The following ZNRF1 variants were observed in gnomAD, a reference collection of about 807,000 sequenced individuals.
ZNRF1 encodes the protein zinc and ring finger 1, also known as E3 ubiquitin-protein ligase ZNRF1.
A neutral mutation model predicts 18.4 loss-of-function variants in ZNRF1; 3 were observed. The observed-to-expected ratio is 0.16, with a 90% CI of 0.07 to 0.42. ZNRF1 has a LOEUF of 0.42. Ranked by LOEUF, ZNRF1 falls within the 10% of genes least tolerant of loss-of-function variation. The pLI is 0.99. For missense variants in ZNRF1, 310 were observed against 329.8 expected (o/e 0.94, Z 0.47); for synonymous variants, 157 against 144.2 (o/e 1.09, Z -0.64).
chr16:75,097,529 CT>C (rs1362040459), intron 2 of ZNRF1, among the ~76,000 whole-genome samples: 5 of 152,154 alleles, frequency 3.3e-5, no homozygotes, highest in Non-Finnish European at 5.9e-5. Flanking sequence ...CACAAGCTGT[CT>C]TTTAAAGGCA....
At chr16:75,064,390 T>G (rs994527579) in intron 1 of ZNRF1, among the ~76,000 whole-genome samples, 2 of 152,024 alleles carry the variant, frequency 1.3e-5, no homozygotes, top group Middle Eastern at 3.4e-3. Flanking sequence ...ACACTATCTC[T>G]ACTAAAAATA....
intron 1 of ZNRF1, among the ~76,000 whole-genome samples, chr16:75,004,116 G>T (rs1227247426): frequency 1.3e-5 from 2 of 152,114 alleles, no homozygotes; most frequent in African/African-American, 4.8e-5. Context: ...ATGAGCCACC[G>T]TGCCAGGCCT....
intron 1 of ZNRF1, among the ~76,000 whole-genome samples, chr16:75,060,969 C>T (rs187207147): frequency 4.6e-5 from 7 of 152,086 alleles, no homozygotes; most frequent in South Asian, 4.2e-4. Flanking sequence ...GGGACACTAA[C>T]GAATTCAGAT....
chr16:75,085,113 G>A (rs905760811), intron 1 of ZNRF1, among the ~76,000 whole-genome samples: 2 of 151,956 alleles, frequency 1.3e-5, no homozygotes, highest in South Asian at 2.1e-4. Context: ...AAACACATAC[G>A]CGTGTGTAAC....
chr16:75,099,427 G>A (rs1020094972), intron 2 of ZNRF1, among the ~76,000 whole-genome samples: 2 of 151,964 alleles, frequency 1.3e-5, no homozygotes, highest in African/African-American at 4.8e-5. Context: ...CCTCCCTCCT[G>A]TTTCAGCTCC....
rs745826713 is a variant in ZNRF1 at position 75,081,997 on chromosome 16, T to TG, written c.425-11571dup. On this transcript the variant is annotated intron_variant, in intron 1 of 4. Coordinates refer to ENST00000335325, the MANE Select transcript of ZNRF1 (RefSeq NM_032268.5). ...ATATTCATCTTTCTTAGACAGTAGT[T>TG]GGGGACTTGATTCACACTTCACACT... Among the ~76,000 whole-genome samples, 15 of 152,320 alleles carry TG rather than the reference T, an allele frequency of 9.8e-5. 2 individuals carry two copies. Among genetic ancestry groups the TG allele is most frequent in the East Asian group, 7.7e-4 (4 of 5,184 alleles).
rs200769606 is a variant in ZNRF1 at position 75,104,736 on chromosome 16, G to A, written c.521-48G>A. The A allele has an allele frequency of 1.4e-5, 21 of 1,527,206 alleles. No individual in the cohort carries two copies. In the East Asian group the frequency reaches 4.7e-4, roughly 34 times the overall value. 94.6% of individuals were successfully genotyped at this position (1,527,206 alleles called of 1,614,324 possible). A position where few individuals can be genotyped will look rare whatever the true frequency, so the allele number is the denominator to read the frequency against. On this transcript the variant is annotated intron_variant, in intron 2 of 4. Transcript: ENST00000335325. ...GGCCCTTGCTTGCCCCATGCCACCT[G>A]TCCACTGGTGACTAACCCTCCTGCA...
At chr16:75,048,890 A>C (rs1297125299) in intron 1 of ZNRF1, among the ~76,000 whole-genome samples, 2 of 152,194 alleles carry the variant, frequency 1.3e-5, no homozygotes, top group African/African-American at 4.8e-5. Flanking sequence ...TCATTGAATT[A>C]AAAAAATTTT....
At chr16:75,023,495 C>G (rs1216777628) in intron 1 of ZNRF1, among the ~76,000 whole-genome samples, 1 of 152,138 alleles carries the variant, frequency 6.6e-6, no homozygotes, top group African/African-American at 2.4e-5. Context: ...ACCAGCCTGG[C>G]CAACATGGCC....
intron 1 of ZNRF1, among the ~76,000 whole-genome samples, chr16:75,015,133 T>G (rs1411803036): frequency 6.6e-6 from 1 of 152,202 alleles, no homozygotes; most frequent in Non-Finnish European, 1.5e-5. Flanking sequence ...TTCTTATGGT[T>G]ACTTAATTTT....
At chr16:75,060,601 C>G (rs2035730740) in intron 1 of ZNRF1, among the ~76,000 whole-genome samples, 1 of 151,470 alleles carries the variant, frequency 6.6e-6, no homozygotes, top group Non-Finnish European at 1.5e-5. Flanking sequence ...GCCTCCCTCC[C>G]AAGTAGCTGG....
intron 1 of ZNRF1, among the ~76,000 whole-genome samples, chr16:75,033,262 CAAAA>C (rs56265355): frequency 2.5e-5 from 2 of 81,508 alleles, no homozygotes; most frequent in African/African-American, 4.0e-5. Flanking sequence ...TTTATTTCTA[CAAAA>C]AAAAAAAAAA....
intron 1 of ZNRF1, among the ~76,000 whole-genome samples, chr16:75,089,042 C>T (rs755176035): frequency 2.6e-5 from 4 of 152,062 alleles, no homozygotes; most frequent in South Asian, 2.1e-4. Context: ...GCCATGGTCT[C>T]GAGGATGGAA....
At chr16:75,032,291 T>A (rs897358844) in intron 1 of ZNRF1, among the ~76,000 whole-genome samples, 2 of 126,006 alleles carry the variant, frequency 1.6e-5, no homozygotes, top group African/African-American at 5.0e-5. Context: ...TGTATTTTTG[T>A]AGAGATGGGG....
chr16:75,060,999 TA>T (rs1369897318), intron 1 of ZNRF1, among the ~76,000 whole-genome samples: 2 of 151,918 alleles, frequency 1.3e-5, no homozygotes, highest in Admixed American at 6.6e-5. Context: ...AAGCTCTGAT[TA>T]AAAAAAATAG....
At chr16:75,076,959 A>G (rs912480261) in intron 1 of ZNRF1, among the ~76,000 whole-genome samples, 2 of 151,830 alleles carry the variant, frequency 1.3e-5, no homozygotes, top group African/African-American at 2.4e-5. Context: ...GGGCTTCTCA[A>G]CCTCCAGAGC....
chr16:75,107,606 T>C, intron 4 of ZNRF1, 127 bp from the exon 5 acceptor site: 1 of 422,468 alleles, frequency 2.4e-6, no homozygotes, highest in Non-Finnish European at 4.8e-6. Flanking sequence ...CCCCGTGTGC[T>C]GTTTGGCTTC....
chr16:75,099,157 A>T (rs950760932), intron 2 of ZNRF1, among the ~76,000 whole-genome samples: 1 of 152,182 alleles, frequency 6.6e-6, no homozygotes, highest in Non-Finnish European at 1.5e-5. Context: ...GGTGGCAGAA[A>T]CTTGGGCTTG....
chr16:75,052,287 G>A (rs1216538997), intron 1 of ZNRF1, among the ~76,000 whole-genome samples: 1 of 151,962 alleles, frequency 6.6e-6, no homozygotes, highest in African/African-American at 2.4e-5. Context: ...TGTAGTCTCA[G>A]CTGCTTGGGA....
Sources: allele counts gnomAD v4.1 joint callset (sites outside exome capture counted in the v4.1 genomes callset), GRCh38; gene constraint gnomAD v4.1.1; transcripts MANE v1.5; gene names NCBI Gene and HGNC (gene_info 2026-07-23, HGNC 2026-07-21).